Variants in ABTB3 observed in about 807,000 individuals in gnomAD.
ABTB3 encodes the protein ankyrin repeat and BTB domain containing 3, also known as ankyrin repeat- and BTB/POZ domain-containing protein 3.
At chr12:107,655,153 T>A in the ABTB3 span, among the ~76,000 whole-genome samples, 1 of 152,108 alleles carries the variant, frequency 6.6e-6, no homozygotes, top group African/African-American at 2.4e-5. Context: ...TCAGGCAGCT[T>A]CTGTAGCATA....
chr12:107,499,162 TC>T, the ABTB3 span, among the ~76,000 whole-genome samples: 1 of 152,194 alleles, frequency 6.6e-6, no homozygotes, highest in African/African-American at 2.4e-5. Context: ...TTTAGCATTG[TC>T]CAAGGCTTCC....
At chr12:107,429,826 C>T in the ABTB3 span, among the ~76,000 whole-genome samples, 19 of 152,314 alleles carry the variant, frequency 1.2e-4, no homozygotes, top group East Asian at 3.1e-3. Context: ...GTATCCATTG[C>T]GGATGTGACC....
At chr12:107,568,310 T>C in the ABTB3 span, among the ~76,000 whole-genome samples, 3 of 152,204 alleles carry the variant, frequency 2.0e-5, no homozygotes, top group Non-Finnish European at 4.4e-5. Context: ...ACTCAAGAAA[T>C]GATGGGAGCT....
At chr12:107,349,213 C>T in the ABTB3 span, among the ~76,000 whole-genome samples, 13 of 152,264 alleles carry the variant, frequency 8.5e-5, no homozygotes, top group African/African-American at 3.1e-4. Context: ...CGCCTCAGCC[C>T]CAGCTGTTCC....
At chr12:107,651,058 C>G in the ABTB3 span, among the ~76,000 whole-genome samples, 3 of 148,590 alleles carry the variant, frequency 2.0e-5, no homozygotes, top group Admixed American at 2.0e-4. Context: ...GCTCTTAGCT[C>G]TTTCCCCTCC....
the ABTB3 span, among the ~76,000 whole-genome samples, chr12:107,354,724 C>T: frequency 3.9e-5 from 6 of 152,258 alleles, no homozygotes; most frequent in African/African-American, 7.2e-5. Flanking sequence ...GAGCAGTGTA[C>T]GAGAGTTCCA....
chr12:107,441,959 A>G, the ABTB3 span, among the ~76,000 whole-genome samples: 1 of 152,052 alleles, frequency 6.6e-6, no homozygotes, highest in African/African-American at 2.4e-5. Context: ...AAAAAGGAAA[A>G]AGGAAAAAAA....
chr12:107,374,048 A>G, the ABTB3 span, among the ~76,000 whole-genome samples: 1 of 152,140 alleles, frequency 6.6e-6, no homozygotes, highest in Admixed American at 6.5e-5. Flanking sequence ...CTGAGTCTCC[A>G]TGGTGGGAGG....
the ABTB3 span, chr12:107,617,814 C>A: frequency 4.4e-5 from 16 of 365,076 alleles, no homozygotes; most frequent in Non-Finnish European, 3.5e-5. Flanking sequence ...AATTTCCCCT[C>A]TGATCATCAG....
the ABTB3 span, among the ~76,000 whole-genome samples, chr12:107,446,788 C>A: frequency 6.6e-6 from 1 of 152,182 alleles, no homozygotes; most frequent in Non-Finnish European, 1.5e-5. Context: ...GTACCCAGAT[C>A]CCAGCTGTCT....
the ABTB3 span, among the ~76,000 whole-genome samples, chr12:107,459,607 T>A: frequency 6.6e-6 from 1 of 152,234 alleles, no homozygotes; most frequent in Non-Finnish European, 1.5e-5. Flanking sequence ...AAGTGCCTAG[T>A]GCCCTTCTGG....
the ABTB3 span, among the ~76,000 whole-genome samples, chr12:107,450,452 G>A: frequency 1.3e-5 from 2 of 152,244 alleles, no homozygotes; most frequent in African/African-American, 4.8e-5. Context: ...CCACCTTGGG[G>A]TTGCAGAAAG....
At chr12:107,609,459 C>G in the ABTB3 span, among the ~76,000 whole-genome samples, 1 of 152,182 alleles carries the variant, frequency 6.6e-6, no homozygotes, top group African/African-American at 2.4e-5. Context: ...TGACAAATTC[C>G]CATGCACCTT....
the ABTB3 span, among the ~76,000 whole-genome samples, chr12:107,517,551 T>C: frequency 1.3e-5 from 2 of 152,204 alleles, no homozygotes; most frequent in Non-Finnish European, 1.5e-5. Context: ...TGTTGAGCAA[T>C]GGTTTGTAGT....
the ABTB3 span, among the ~76,000 whole-genome samples, chr12:107,406,640 G>T: frequency 6.6e-6 from 1 of 152,128 alleles, no homozygotes; most frequent in East Asian, 1.9e-4. Context: ...TCTATTTAAA[G>T]AGCACCTGCT....
chr12:107,462,653 GTGA>G, the ABTB3 span, among the ~76,000 whole-genome samples: 7 of 152,018 alleles, frequency 4.6e-5, no homozygotes, highest in African/African-American at 1.5e-4. Context: ...TGGTACTGAA[GTGA>G]TGATGGTGGT....
At chr12:107,485,731 C>CTT in the ABTB3 span, among the ~76,000 whole-genome samples, 1 of 152,110 alleles carries the variant, frequency 6.6e-6, no homozygotes. Flanking sequence ...ATAACTTTCT[C>CTT]TTTTGAAAGC....
the ABTB3 span, among the ~76,000 whole-genome samples, chr12:107,430,200 T>C: frequency 1.3e-5 from 2 of 152,216 alleles, no homozygotes; most frequent in Non-Finnish European, 1.5e-5. Flanking sequence ...ATATTCCATC[T>C]CTCTCCTAGA....
the ABTB3 span, among the ~76,000 whole-genome samples, chr12:107,549,168 T>G: frequency 6.6e-6 from 1 of 152,298 alleles, no homozygotes; most frequent in African/African-American, 2.4e-5. Flanking sequence ...TCACCAACTG[T>G]TTGAGGAAAA....
Sources: gnomAD v4.1 joint callset for allele counts (sites outside exome capture counted in the v4.1 genomes callset) on GRCh38, gnomAD v4.1.1 for gene constraint, MANE v1.5 for transcripts, NCBI Gene and HGNC (gene_info 2026-07-23, HGNC 2026-07-21) for gene names.